Variants in SH2B3 observed in about 807,000 individuals in gnomAD.
SH2B3 encodes SH2B adapter protein 3.
In SH2B3, 43 loss-of-function variants were observed where a neutral mutation model predicts 51.9. That is an observed-to-expected ratio of 0.83 (90% CI 0.65 to 1.07). The LOEUF (loss-of-function observed/expected upper bound fraction) is 1.07. Among genes scored for constraint, SH2B3 ranks in the 50% least tolerant of loss-of-function variants. The probability of loss-of-function intolerance (pLI) is 0.00; values close to 1 mark genes in which losing one functional copy is unlikely to be tolerated. For synonymous variants in SH2B3, 396 were observed against 376.0 expected, an observed-to-expected ratio of 1.05 and a Z score of -0.62; for missense variants, 952 against 834.3, an observed-to-expected ratio of 1.14 and a Z score of -1.74.
chr12:111,416,428 A>G (rs1400358766), intron 1 of SH2B3, among the ~76,000 whole-genome samples: 1 of 152,124 alleles, frequency 6.6e-6, no homozygotes, highest in African/African-American at 2.4e-5. Flanking sequence ...AAACTGAGGT[A>G]GAGAGTAATC....
In SH2B3 at chr12:111,407,632, T is replaced by C. The variant is rs532497467; in HGVS notation, c.-28+1355T>C. Among the ~76,000 whole-genome samples the C allele has an allele frequency of 6.6e-6, 1 of 151,604 alleles. No individual in the cohort carries two copies. Among genetic ancestry groups the C allele is most frequent in the South Asian group, 2.1e-4 (1 of 4,808 alleles). ...GGCCTACTGGGGGAAGTTGGAAGGG[T>C]TTTTAGTGCACTTTTCCTGAGCCTT... On this transcript the variant is annotated intron_variant, in intron 1 of 7. Coordinates refer to ENST00000341259, the MANE Select transcript of SH2B3 (RefSeq NM_005475.3). This position sits in a 1 kb window ranked among gnomAD's most constrained non-coding sequence, Gnocchi z 4.3.
intron 1 of SH2B3, among the ~76,000 whole-genome samples, chr12:111,415,497 T>C: frequency 6.6e-6 from 1 of 152,228 alleles, no homozygotes; most frequent in East Asian, 1.9e-4. Context: ...GGCAAAGGTC[T>C]GCTAGTCCTG....
intron 2 of SH2B3, chr12:111,434,662 C>T (rs1872712078): frequency 2.0e-6 from 1 of 496,126 alleles, no homozygotes; most frequent in Non-Finnish European, 2.6e-6. Context: ...AAGGCCTTTC[C>T]CCACCCAGGA....
In SH2B3 at chr12:111,418,807, G is replaced by A. The variant is rs770789973; in HGVS notation, c.662G>A (p.Arg221Lys). Residue 221 changes from arginine (R) to lysine (K), a missense_variant, in exon 2 of 8, where the codon AGG (arginine) becomes AAG (lysine). Physicochemically the swap from Arg to Lys is conservative, Grantham distance 26 (BLOSUM62 2). Coordinates refer to ENST00000341259, the MANE Select transcript of SH2B3 (RefSeq NM_005475.3). The surrounding 1 kb of genome is among the most constrained non-coding windows in gnomAD (Gnocchi z 6.7). The part of the protein sequence containing the change: ...MDSGARWQRG[R>K]LALRRAPGPD... ...AGCGGGGCACGCTGGCAGCGCGGGAGGCTGGCGCTGCGCCGGGCCCCGGGC... is the reference window on the plus strand; with the variant it reads ...AGCGGGGCACGCTGGCAGCGCGGGAAGCTGGCGCTGCGCCGGGCCCCGGGC... The A allele has an allele frequency of 2.1e-6, 3 of 1,441,290 alleles. No individual in the cohort carries two copies. The highest frequency in any genetic ancestry group is 2.7e-6 in the Non-Finnish European group (3 of 1,109,178). The allele number at this position is 1,441,290 out of a possible 1,614,324, so 89.3% of individuals were successfully genotyped here.
At chr12:111,439,436 C>T (rs1309877020) in intron 2 of SH2B3, among the ~76,000 whole-genome samples, 2 of 152,138 alleles carry the variant, frequency 1.3e-5, no homozygotes, top group East Asian at 3.9e-4. Context: ...AGGTGTGAGC[C>T]ACCGCACCTG....
In SH2B3 at chr12:111,418,830, G is replaced by GGCCCCGA; in HGVS notation, c.686_692dup (p.Asp231GlufsTer39). Reference sequence around the variant, plus strand: ...GAGGCTGGCGCTGCGCCGGGCCCCGGGCCCCGATGGCCCCGACCGCGTGCT... The same window carrying GGCCCCGA: ...GAGGCTGGCGCTGCGCCGGGCCCCGGGCCCCGAGCCCCGATGGCCCCGACCGCGTGCT... On this transcript the variant is annotated frameshift_variant, in exon 2 of 8. Transcript: ENST00000341259. LOFTEE classifies it high-confidence loss of function. The surrounding 1 kb of genome is among the most constrained non-coding windows in gnomAD (Gnocchi z 6.7). 7.0e-7 allele frequency: 1 copy of GGCCCCGA among 1,419,892 alleles called. No individual in the cohort carries two copies. The highest frequency in any genetic ancestry group is 9.1e-7 in the Non-Finnish European group (1 of 1,101,068). 88.0% of individuals were successfully genotyped at this position (1,419,892 alleles called of 1,614,324 possible).
rs1361601702 is a variant in SH2B3, at chr12:111,418,232, C to G, written c.87C>G (p.Phe29Leu). ...PAAAPRGWSEFCELHAVAAAR... is the reference protein window; with the variant it reads ...PAAAPRGWSELCELHAVAAAR... ...CGGCCCCGCGGGGCTGGAGCGAGTTCTGTGAGTTGCACGCCGTAGCGGCGG... is the reference window on the plus strand; with the variant it reads ...CGGCCCCGCGGGGCTGGAGCGAGTTGTGTGAGTTGCACGCCGTAGCGGCGG... The change falls in exon 2 of 8, where the codon TTC becomes TTG. Residue 29 changes from phenylalanine (F) to leucine (L), a missense_variant. Physicochemically the swap from Phe to Leu is conservative, Grantham distance 22. Transcript: ENST00000341259. The surrounding 1 kb of genome is among the most constrained non-coding windows in gnomAD (Gnocchi z 6.7). 6.3e-7 allele frequency: 1 copy of G among 1,578,326 alleles called. No homozygotes were observed. Among genetic ancestry groups the G allele is most frequent in the East Asian group, 2.3e-5 (1 of 43,338 alleles).
intron 2 of SH2B3, chr12:111,443,850 G>C: frequency 6.6e-6 from 1 of 152,242 alleles, no homozygotes; most frequent in Admixed American, 6.5e-5. Flanking sequence ...CGAACCCTTT[G>C]TCCAGGGTTG....
rs1264332739 is a variant in SH2B3, at chr12:111,408,029, G to GGTGGTA, written c.-28+1758_-28+1763dup. 8.5e-5 allele frequency among the ~76,000 whole-genome samples: 13 copies of GGTGGTA among 152,338 alleles called. No homozygotes were observed. In the East Asian group the frequency reaches 2.5e-3, roughly 29 times the overall value. ...GAGAGGTTCAGTTGCAGGTGGTGGT[G>GGTGGTA]GTGGTAGTGGTGATTTTATCATTGC... On this transcript the variant is annotated intron_variant, in intron 1 of 7. Transcript: ENST00000341259.
Position 111,410,183 on chromosome 12 carries a change from G to A in SH2B3, c.-28+3906G>A, listed in dbSNP as rs1039195669. On this transcript the variant is annotated intron_variant, in intron 1 of 7. Coordinates refer to ENST00000341259, the MANE Select transcript of SH2B3 (RefSeq NM_005475.3). The surrounding 1 kb of genome is among the most constrained non-coding windows in gnomAD (Gnocchi z 4.9). ...GCGCCCAATGGGGGGCCCCAGCTGGGAGACTGGGAATGTGATCAATCAGGG... is the reference window on the plus strand; with the variant it reads ...GCGCCCAATGGGGGGCCCCAGCTGGAAGACTGGGAATGTGATCAATCAGGG... 4.6e-5 allele frequency among the ~76,000 whole-genome samples: 7 copies of A among 152,334 alleles called. No homozygotes were observed. Among genetic ancestry groups the A allele is most frequent in the Admixed American group, 3.9e-4 (6 of 15,310 alleles).
At chr12:111,431,872 C>T (rs1489008215) in intron 2 of SH2B3, among the ~76,000 whole-genome samples, 1 of 152,120 alleles carries the variant, frequency 6.6e-6, no homozygotes, top group East Asian at 1.9e-4. Context: ...TCCCAAAGTT[C>T]TGGGATTTAC....
chr12:111,417,525 C>T (rs764815244), intron 1 of SH2B3, among the ~76,000 whole-genome samples: 23 of 149,994 alleles, frequency 1.5e-4, no homozygotes, highest in South Asian at 1.3e-3. Flanking sequence ...CCTGGGCTGG[C>T]GTTCAATGGC....
At position 111,448,524 on chromosome 12, in the gene SH2B3, T is replaced by A; in HGVS notation, c.*222T>A. 1 of 557,842 alleles carries A rather than the reference T, an allele frequency of 1.8e-6. No homozygotes were observed. Among genetic ancestry groups the A allele is most frequent in the South Asian group, 2.3e-5 (1 of 43,954 alleles). The allele number at this position is 557,842 out of a possible 1,614,324, so 34.6% of individuals were successfully genotyped here. Reference sequence around the variant, plus strand: ...GCTTTCTCCTTATTGTTTACAGATGTAGTTCTTGTTAGAGGATGCCGCTAG... The same window carrying A: ...GCTTTCTCCTTATTGTTTACAGATGAAGTTCTTGTTAGAGGATGCCGCTAG... On this transcript the variant is annotated 3_prime_UTR_variant, in exon 8 of 8. Transcript: ENST00000341259.
At chr12:111,440,129 TGC>T (rs1450123883) in intron 2 of SH2B3, among the ~76,000 whole-genome samples, 2 of 152,198 alleles carry the variant, frequency 1.3e-5, no homozygotes, top group African/African-American at 4.8e-5. Context: ...CATGTTAAAA[TGC>T]AGATTCCAAA....
chr12:111,443,297 C>G (rs550755289), intron 2 of SH2B3, among the ~76,000 whole-genome samples: 1 of 152,314 alleles, frequency 6.6e-6, no homozygotes, highest in East Asian at 1.9e-4. Context: ...GGCTCAGAGA[C>G]CTTTGCAGGG....
intron 1 of SH2B3, among the ~76,000 whole-genome samples, chr12:111,411,669 G>A (rs772002099): frequency 1.3e-5 from 2 of 152,134 alleles, no homozygotes; most frequent in Non-Finnish European, 2.9e-5. Flanking sequence ...CTGCTGCTTC[G>A]AGGCCCTCAA....
At chr12:111,414,530 C>T (rs897139368) in intron 1 of SH2B3, among the ~76,000 whole-genome samples, 2 of 151,016 alleles carry the variant, frequency 1.3e-5, no homozygotes, top group African/African-American at 4.9e-5. Flanking sequence ...GTCTAGGCTG[C>T]GGTGAGCCAT....
intron 2 of SH2B3, among the ~76,000 whole-genome samples, chr12:111,419,137 C>T (rs1055674509): frequency 6.6e-6 from 1 of 151,354 alleles, no homozygotes; most frequent in Non-Finnish European, 1.5e-5. Context: ...TTAGCGAGAC[C>T]CTATCTCTAT....
chr12:111,447,555 G>A lies in SH2B3; in HGVS notation c.1236+11G>A, dbSNP rs1272127298. The stretch of plus-strand genomic sequence containing the variant: ...CAGGGGATAGCCAAGGTATGGGGTG[G>A]GGTGGGGTGGGGTGGGGCAGGCAGG... On this transcript the variant is annotated intron_variant, in intron 6 of 7. Coordinates refer to ENST00000341259, the MANE Select transcript of SH2B3 (RefSeq NM_005475.3). 1.3e-6 allele frequency: 2 copies of A among 1,555,570 alleles called. No homozygotes were observed. Among genetic ancestry groups the A allele is most frequent in the Non-Finnish European group, 8.8e-7 (1 of 1,142,028 alleles).
Sources: allele counts gnomAD v4.1 joint callset (sites outside exome capture counted in the v4.1 genomes callset), GRCh38; gene constraint gnomAD v4.1.1; non-coding constraint Gnocchi (gnomAD v3.1); transcripts MANE v1.5; gene names NCBI Gene and HGNC (gene_info 2026-07-23, HGNC 2026-07-21).